ANKRD60: variants seen among roughly 807,000 people sequenced by gnomAD.
ANKRD60 encodes the protein ankyrin repeat domain-containing protein 60.
ANKRD60 carries 24 observed loss-of-function variants against 21.3 expected under a neutral mutation model. The observed-to-expected ratio is 1.13, with a 90% CI of 0.82 to 1.59. The LOEUF (loss-of-function observed/expected upper bound fraction) is 1.59. Ranked by LOEUF, ANKRD60 falls within the 40% of genes most tolerant of loss-of-function variation. The probability of loss-of-function intolerance (pLI) is 0.00; values close to 1 mark genes in which losing one functional copy is unlikely to be tolerated. For missense variants in ANKRD60, 490 were observed against 466.7 expected (o/e 1.05, Z -0.46); for synonymous variants, 182 against 199.4 (o/e 0.91, Z 0.74).
intron 3 of ANKRD60, among the ~76,000 whole-genome samples, chr20:58,220,683 AGTGTGTGTGTGTGTGTGT>A (rs36015489): frequency 0.33 from 49,053 of 148,384 alleles, 8,286 homozygotes; most frequent in Middle Eastern, 0.45. Context: ...GGTTTTTTCT[AGTGTGTGTGTGTGTGTGT>A]GTGTGTGTGT....
chr20:58,217,157 G>T (rs1195879338), downstream of ANKRD60, among the ~76,000 whole-genome samples: 1 of 152,236 alleles, frequency 6.6e-6, no homozygotes, highest in African/African-American at 2.4e-5. Context: ...CTGGCCGGGT[G>T]TGGTGGCTCA....
rs375838603 is a variant in ANKRD60 at position 58,222,874 on chromosome 20, C to A, written c.561+178G>T. On this transcript the variant is annotated intron_variant, in intron 2 of 3. Coordinates refer to ENST00000457363, the Ensembl canonical transcript of ANKRD60. ...TCGATAAACCCAGCAAAATGGTAAA[C>A]CCAAGGAGTGAAGGCAAACCCTCAG... Among the ~76,000 whole-genome samples, 221 of 152,246 alleles carry A rather than the reference C, an allele frequency of 1.5e-3. 1 individual carries two copies. Among genetic ancestry groups the A allele is most frequent in the African/African-American group, 4.9e-3 (202 of 41,536 alleles).
At position 58,228,330 on chromosome 20, in the gene ANKRD60, T is replaced by G; in HGVS notation, c.324A>C (p.Arg108=). ...TCATGTCGCCGCGGCAGTTTGCCAC[T>G]CGGAACATCTCCCCCGTCTCCTCCA... The change falls in exon 1 of 4, where the codon CGA becomes CGC. Residue 108 remains arginine, a synonymous_variant. Transcript: ENST00000457363. The surrounding 1 kb of genome is among the most constrained non-coding windows in gnomAD (Gnocchi z 5.3). The G allele has an allele frequency of 6.5e-7, 1 of 1,549,716 alleles. No homozygotes were observed. Among genetic ancestry groups the G allele is most frequent in the South Asian group, 1.2e-5 (1 of 84,052 alleles).
At chr20:58,219,422 A>T (rs1984199542) in intron 3 of ANKRD60, among the ~76,000 whole-genome samples, 1 of 152,162 alleles carries the variant, frequency 6.6e-6, no homozygotes, top group South Asian at 2.1e-4. Context: ...AGGGCAGAAA[A>T]TACACACATC....
chr20:58,228,204 G>A lies in ANKRD60; in HGVS notation c.430+20C>T. ...GGTGCCCTTGCATGTGGCCAGGGAA[G>A]GAGTCAGGGCAGGAGCCACCTTCGT... On this transcript the variant is annotated intron_variant, in intron 1 of 3. Coordinates refer to ENST00000457363, the Ensembl canonical transcript of ANKRD60. The surrounding 1 kb of genome is among the most constrained non-coding windows in gnomAD (Gnocchi z 5.3). 6.5e-7 allele frequency: 1 copy of A among 1,533,264 alleles called. No individual in the cohort carries two copies. The highest frequency in any genetic ancestry group is 8.8e-7 in the Non-Finnish European group (1 of 1,135,584). 95.0% of individuals were successfully genotyped at this position (1,533,264 alleles called of 1,614,324 possible). A position where few individuals can be genotyped will look rare whatever the true frequency, so the allele number is the denominator to read the frequency against.
Position 58,221,321 on chromosome 20 carries a change from C to A in ANKRD60, c.727+17G>T, listed in dbSNP as rs1319514493. ...AATCCCAACTCATGAATATAGCAAG[C>A]TTTCTACCAGAATTACCGTGTTCTA... On this transcript the variant is annotated intron_variant, in intron 3 of 3. Transcript: ENST00000457363. 3 of 1,546,858 alleles carry A rather than the reference C, an allele frequency of 1.9e-6. No individual in the cohort carries two copies. Among genetic ancestry groups the A allele is most frequent in the South Asian group, 1.2e-5 (1 of 83,264 alleles).
chr20:58,219,894 TG>T (rs1259848981), intron 3 of ANKRD60, among the ~76,000 whole-genome samples: 2 of 152,196 alleles, frequency 1.3e-5, no homozygotes, highest in Non-Finnish European at 2.9e-5. Context: ...AAAGGACTGC[TG>T]GGCTGCGCAA....
rs534114975 is a variant in ANKRD60 at position 58,221,364 on chromosome 20, TCAAAGTGGCCTCTGTGTGAGGCCA to T, written c.677_700del (p.Val226_Phe233del). On this transcript the variant is annotated inframe_deletion, in exon 3 of 4. Coordinates refer to ENST00000457363, the Ensembl canonical transcript of ANKRD60. Reference sequence around the variant, plus strand: ...GTGTTCTAGAAGGTACTGCACAGCATCAAAGTGGCCTCTGTGTGAGGCCACATACAACGCCACAAACGCCCTCTG... The same window carrying T: ...GTGTTCTAGAAGGTACTGCACAGCATCATACAACGCCACAAACGCCCTCTG... The T allele has an allele frequency of 1.1e-4, 163 of 1,552,350 alleles. No individual in the cohort carries two copies. The African/African-American group carries it at 1.8e-3, about 17-fold the overall frequency.
At chr20:58,224,596 A>G (rs1984329204) in intron 1 of ANKRD60, among the ~76,000 whole-genome samples, 1 of 152,258 alleles carries the variant, frequency 6.6e-6, no homozygotes, top group Non-Finnish European at 1.5e-5. Context: ...CCAGAAACTC[A>G]GGATGGTAGA....
At chr20:58,226,635 C>T (rs1020630671) in intron 1 of ANKRD60, among the ~76,000 whole-genome samples, 9 of 152,074 alleles carry the variant, frequency 5.9e-5, no homozygotes, top group Admixed American at 3.9e-4. Context: ...GATGTAGACA[C>T]GGTTTCGTAT....
At chr20:58,218,899 C>A in intron 3 of ANKRD60, 94 bp from the exon 4 acceptor site, 1 of 1,229,812 alleles carries the variant, frequency 8.1e-7, no homozygotes, top group Non-Finnish European at 1.1e-6. Context: ...TCAGGGAGGT[C>A]CTGCTGCCTG....
At chr20:58,227,080 G>A (rs934448016) in intron 1 of ANKRD60, among the ~76,000 whole-genome samples, 4 of 152,300 alleles carry the variant, frequency 2.6e-5, no homozygotes, top group Non-Finnish European at 4.4e-5. Context: ...GGCAGGCAGC[G>A]TTTGTTTCGG....
rs562521143 is a variant in ANKRD60 at position 58,222,233 on chromosome 20, TGTG to T, written c.562-733_562-731del. On this transcript the variant is annotated intron_variant, in intron 2 of 3. Coordinates refer to ENST00000457363, the Ensembl canonical transcript of ANKRD60. ...GGGAGACAGAAGGGGCAGAGGAGAG[TGTG>T]GAGGAGGAGGAGCGGGAGGGACTAG... Among the ~76,000 whole-genome samples the T allele has an allele frequency of 6.5e-4, 99 of 151,658 alleles. 1 individual carries two copies. Among genetic ancestry groups the T allele is most frequent in the Middle Eastern group, 6.8e-3 (2 of 294 alleles).
In ANKRD60 at chr20:58,228,503, GC is replaced by G. The variant is rs1984418288; in HGVS notation, c.150del (p.Arg52GlyfsTer65). The G allele has an allele frequency of 1.4e-6, 2 of 1,445,418 alleles. No individual in the cohort carries two copies. The highest frequency in any genetic ancestry group is 5.6e-5 in the East Asian group (2 of 35,758). The allele number at this position is 1,445,418 out of a possible 1,614,324, so 89.5% of individuals were successfully genotyped here. A position where few individuals can be genotyped will look rare whatever the true frequency, so the allele number is the denominator to read the frequency against. ...CGCGAGTCCGCCGAGCCCACCCTGG[GC>G]CCGCCGCACCCCTGAGCCCCGGCCC... On this transcript the variant is annotated frameshift_variant, in exon 1 of 4. Transcript: ENST00000457363. LOFTEE classifies it high-confidence loss of function. The surrounding 1 kb of genome is among the most constrained non-coding windows in gnomAD (Gnocchi z 5.3).
At chr20:58,219,583 C>G (rs1239187316) in intron 3 of ANKRD60, among the ~76,000 whole-genome samples, 1 of 152,182 alleles carries the variant, frequency 6.6e-6, no homozygotes, top group Non-Finnish European at 1.5e-5. Context: ...GGGCTAATGA[C>G]AGGTGTCCAA....
At chr20:58,222,331 C>T (rs968001313) in intron 2 of ANKRD60, among the ~76,000 whole-genome samples, 6 of 152,294 alleles carry the variant, frequency 3.9e-5, no homozygotes, top group African/African-American at 1.4e-4. Context: ...TCCTGCCGCA[C>T]CTGCCCCGAG....
chr20:58,219,812 C>T (rs1012539386), intron 3 of ANKRD60, among the ~76,000 whole-genome samples: 1 of 152,178 alleles, frequency 6.6e-6, no homozygotes, highest in South Asian at 2.1e-4. Flanking sequence ...GCAAAGCTGG[C>T]TGTAATTTTT....
intron 3 of ANKRD60, among the ~76,000 whole-genome samples, chr20:58,220,489 C>CAGAGAGAGAGAGAGAGAGAGAGAGAG (rs11469843): frequency 6.9e-6 from 1 of 144,268 alleles, no homozygotes; most frequent in Non-Finnish European, 1.5e-5. Flanking sequence ...TCAAGAGAGC[C>CAGAGAGAGAGAGAGAGAGAGAGAGAG]AGAGAGAGAG....
Position 58,226,930 on chromosome 20 carries a change from G to T in ANKRD60, c.430+1294C>A, listed in dbSNP as rs575171446. ...CACAAATGGTTAGTTGGAGGCCGGG[G>T]GTCCAGAATTGGGCAATTGAGGGTC... On this transcript the variant is annotated intron_variant, in intron 1 of 3. Coordinates refer to ENST00000457363, the Ensembl canonical transcript of ANKRD60. 1.7e-4 allele frequency among the ~76,000 whole-genome samples: 26 copies of T among 152,226 alleles called. No individual in the cohort carries two copies. In the South Asian group the frequency reaches 5.4e-3, roughly 32 times the overall value.
Sources: allele counts gnomAD v4.1 joint callset (sites outside exome capture counted in the v4.1 genomes callset), GRCh38; gene constraint gnomAD v4.1.1; non-coding constraint Gnocchi (gnomAD v3.1); transcripts MANE v1.5; gene names NCBI Gene and HGNC (gene_info 2026-07-23, HGNC 2026-07-21).